The following COL24A1 variants were observed in gnomAD, a reference collection of about 807,000 sequenced individuals.
COL24A1 encodes collagen type XXIV alpha 1 chain, also known as collagen alpha-1(XXIV) chain.
A neutral mutation model predicts 253.9 loss-of-function variants in COL24A1; 224 were observed. The ratio of observed to expected loss-of-function variants is 0.88; its 90% CI spans 0.79 to 0.99. COL24A1 has a LOEUF of 0.99. Among genes scored for constraint, COL24A1 ranks in the 50% least tolerant of loss-of-function variants. The pLI is 0.00. For synonymous variants in COL24A1, 685 were observed against 673.7 expected, an observed-to-expected ratio of 1.02 and a Z score of -0.26; for missense variants, 2,131 against 2,068.5, an observed-to-expected ratio of 1.03 and a Z score of -0.59.
At chr1:85,769,304 C>T (rs1376084198) in intron 53 of COL24A1, among the ~76,000 whole-genome samples, 2 of 152,006 alleles carry the variant, frequency 1.3e-5, no homozygotes, top group Non-Finnish European at 2.9e-5. Context: ...CAACAAAAAA[C>T]AAATAAATAT....
At chr1:85,843,957 A>G (rs1469376625) in intron 39 of COL24A1, among the ~76,000 whole-genome samples, 2 of 152,138 alleles carry the variant, frequency 1.3e-5, no homozygotes, top group Non-Finnish European at 2.9e-5. Flanking sequence ...AAGTGGGGAG[A>G]AAATGTGATG....
chr1:85,848,118 C>A (rs1677344213), intron 38 of COL24A1, among the ~76,000 whole-genome samples: 1 of 152,090 alleles, frequency 6.6e-6, no homozygotes, highest in African/African-American at 2.4e-5. Context: ...AAGTCTGTTT[C>A]TATAGAGAAT....
At chr1:85,993,278 T>C (rs1694459621) in intron 19 of COL24A1, among the ~76,000 whole-genome samples, 1 of 152,108 alleles carries the variant, frequency 6.6e-6, no homozygotes, top group Non-Finnish European at 1.5e-5. Context: ...TGTTAGAGTA[T>C]CTGTTTTCTA....
chr1:85,834,263 A>G (rs954252262), intron 43 of COL24A1, among the ~76,000 whole-genome samples: 3 of 151,936 alleles, frequency 2.0e-5, no homozygotes, highest in African/African-American at 4.8e-5. Context: ...GGGAAGAAAA[A>G]GAGATTCATA....
At chr1:86,036,741 T>A (rs186599539) in intron 12 of COL24A1, among the ~76,000 whole-genome samples, 51 of 152,326 alleles carry the variant, frequency 3.3e-4, no homozygotes, top group African/African-American at 1.1e-3. Flanking sequence ...ACAAAATACA[T>A]ATCTTTCCTT....
Position 85,909,958 on chromosome 1 carries a change from C to T in COL24A1, c.2662G>A (p.Gly888Ser). ...AATCACTGAGCTCTTACCATAACAC[C>T]TTTTTCTCCCTGCGGACCTAGTGGG... ...PGPLGPQGEK[G>S]VMGYPGPPGV... The change falls in exon 26 of 60, where the codon GGT (glycine) becomes AGT (serine). Residue 888 changes from glycine to serine, a missense_variant. Transcript: ENST00000370571. 2 of 1,608,158 alleles carry T rather than the reference C, an allele frequency of 1.2e-6. No homozygotes were observed. Among genetic ancestry groups the T allele is most frequent in the Non-Finnish European group, 1.7e-6 (2 of 1,175,396 alleles).
chr1:85,971,607 A>T (rs1279967746), intron 20 of COL24A1, among the ~76,000 whole-genome samples: 2 of 152,186 alleles, frequency 1.3e-5, no homozygotes, highest in Non-Finnish European at 1.5e-5. Context: ...TTAATATTCA[A>T]ATAATCTGCT....
chr1:86,013,915 T>G (rs948117932), intron 19 of COL24A1, among the ~76,000 whole-genome samples: 2 of 152,142 alleles, frequency 1.3e-5, no homozygotes, highest in Non-Finnish European at 2.9e-5. Flanking sequence ...ATTTTATTAG[T>G]CCGCAGTCAC....
At chr1:85,911,964 A>G (rs1486818336) in intron 24 of COL24A1, among the ~76,000 whole-genome samples, 1 of 152,166 alleles carries the variant, frequency 6.6e-6, no homozygotes, top group Admixed American at 6.6e-5. Flanking sequence ...TGAGGCAAAA[A>G]GTCTCATAAC....
chr1:85,879,263 G>T (rs1415000137), intron 32 of COL24A1, among the ~76,000 whole-genome samples: 1 of 151,790 alleles, frequency 6.6e-6, no homozygotes, highest in East Asian at 1.9e-4. Flanking sequence ...GTGTGTGTGT[G>T]TGTGTGTGTG....
Position 85,897,183 on chromosome 1 carries a change from T to C in COL24A1, c.2779-774A>G, listed in dbSNP as rs576331134. 7.2e-5 allele frequency among the ~76,000 whole-genome samples: 11 copies of C among 152,244 alleles called. No homozygotes were observed. The South Asian group carries it at 1.5e-3, about 20-fold the overall frequency. ...ACCAAACACCGCATTTTCTCACTTA[T>C]AAGTGGGAGCTGAATGATGATAACA... On this transcript the variant is annotated intron_variant, in intron 28 of 59. Coordinates refer to ENST00000370571, the MANE Select transcript of COL24A1 (RefSeq NM_152890.7).
intron 5 of COL24A1, among the ~76,000 whole-genome samples, chr1:86,102,037 A>C: frequency 6.6e-6 from 1 of 151,732 alleles, no homozygotes; most frequent in East Asian, 1.9e-4. Flanking sequence ...AACCAAAAAA[A>C]GGCTATTTAT....
intron 3 of COL24A1, among the ~76,000 whole-genome samples, chr1:86,123,939 T>G (rs1289380349): frequency 6.6e-6 from 1 of 151,928 alleles, no homozygotes; most frequent in Non-Finnish European, 1.5e-5. Flanking sequence ...AATTTTATTT[T>G]CATTAAATAA....
At chr1:85,875,766 C>G (rs906295112) in intron 33 of COL24A1, among the ~76,000 whole-genome samples, 1 of 136,912 alleles carries the variant, frequency 7.3e-6, no homozygotes, top group Non-Finnish European at 1.6e-5. Context: ...CACACACACA[C>G]AGAGCTTCTT....
chr1:86,061,997 A>G (rs572091319), intron 8 of COL24A1, among the ~76,000 whole-genome samples: 2 of 152,214 alleles, frequency 1.3e-5, no homozygotes, highest in East Asian at 3.9e-4. Context: ...TTTCATTAGT[A>G]AAATAGAATA....
At chr1:86,108,118 T>C (rs1433427545) in intron 5 of COL24A1, among the ~76,000 whole-genome samples, 1 of 152,204 alleles carries the variant, frequency 6.6e-6, no homozygotes, top group East Asian at 1.9e-4. Flanking sequence ...TCCTAGGTCA[T>C]TTTACCACAG....
chr1:86,093,054 A>G (rs951793539), intron 5 of COL24A1, among the ~76,000 whole-genome samples: 2 of 152,068 alleles, frequency 1.3e-5, no homozygotes, highest in Non-Finnish European at 2.9e-5. Context: ...TTCTGATTTT[A>G]TTACCATTCT....
rs528048438 is a variant in COL24A1 at position 85,945,217 on chromosome 1, C to A, written c.2562+16032G>T. Among the ~76,000 whole-genome samples, 19 of 151,094 alleles carry A rather than the reference C, an allele frequency of 1.3e-4. No individual in the cohort carries two copies. The South Asian group carries it at 3.8e-3, about 30-fold the overall frequency. ...TATTTTTAGTAGAGATGGGGTTTCA[C>A]CGTGTTAGCCAGGATGGTCTCCATC... On this transcript the variant is annotated intron_variant, in intron 24 of 59. Transcript: ENST00000370571.
intron 19 of COL24A1, among the ~76,000 whole-genome samples, chr1:85,990,451 A>T (rs1343016520): frequency 6.6e-6 from 1 of 152,174 alleles, no homozygotes; most frequent in Non-Finnish European, 1.5e-5. Context: ...TGCAGTTCAC[A>T]ACAGGGTTCG....
Sources: gnomAD v4.1 joint callset for allele counts (sites outside exome capture counted in the v4.1 genomes callset) on GRCh38, gnomAD v4.1.1 for gene constraint, MANE v1.5 for transcripts, NCBI Gene and HGNC (gene_info 2026-07-23, HGNC 2026-07-21) for gene names.